The following CABLES1 variants were observed in gnomAD, a reference collection of about 807,000 sequenced individuals.
CABLES1 encodes CDK5 and ABL1 enzyme substrate 1.
Under a neutral mutation model 57.8 loss-of-function variants are expected in CABLES1, and 36 were observed. The ratio of observed to expected loss-of-function variants is 0.62; its 90% CI spans 0.48 to 0.82. CABLES1 has a LOEUF of 0.82. CABLES1 is among the 40% of genes least tolerant of loss of function. The pLI is 0.00. For missense variants in CABLES1, 767 were observed against 836.6 expected, an observed-to-expected ratio of 0.92 and a Z score of 1.03; for synonymous variants, 374 against 363.0, an observed-to-expected ratio of 1.03 and a Z score of -0.35.
chr18:23,247,705 G>T (rs2047931904), intron 7 of CABLES1, among the ~76,000 whole-genome samples: 2 of 152,244 alleles, frequency 1.3e-5, no homozygotes. Context: ...TGGCTCTTGA[G>T]CCTGTGTTCT....
At chr18:23,185,177 G>C (rs2047193989) in intron 1 of CABLES1, among the ~76,000 whole-genome samples, 3 of 152,190 alleles carry the variant, frequency 2.0e-5, no homozygotes, top group South Asian at 4.1e-4. Context: ...TGCAGGAAGA[G>C]GTGGCTACGG....
At chr18:23,215,776 CAG>C (rs1192315852) in intron 4 of CABLES1, among the ~76,000 whole-genome samples, 1 of 149,646 alleles carries the variant, frequency 6.7e-6, no homozygotes, top group Non-Finnish European at 1.5e-5. Context: ...TTTTTTGAGA[CAG>C]AGTCTTGCTC....
intron 1 of CABLES1, among the ~76,000 whole-genome samples, chr18:23,157,872 A>G (rs1309250635): frequency 6.6e-6 from 1 of 152,140 alleles, no homozygotes; most frequent in Non-Finnish European, 1.5e-5. Context: ...TTTGGAGTGT[A>G]AATCCTGGAG....
chr18:23,231,130 T>C (rs1429953308), intron 4 of CABLES1, among the ~76,000 whole-genome samples: 1 of 152,200 alleles, frequency 6.6e-6, no homozygotes, highest in Non-Finnish European at 1.5e-5. Flanking sequence ...AGGCCACTCT[T>C]GGGAAGAAAA....
At chr18:23,149,651 G>A (rs1283226449) in intron 1 of CABLES1, 1 of 152,256 alleles carries the variant, frequency 6.6e-6, no homozygotes, top group Non-Finnish European at 1.5e-5. Context: ...TCTTTGGCGT[G>A]TTAGCCCAGT....
intron 1 of CABLES1, among the ~76,000 whole-genome samples, chr18:23,154,815 G>A (rs1391916735): frequency 6.6e-6 from 1 of 152,154 alleles, no homozygotes; most frequent in Non-Finnish European, 1.5e-5. Flanking sequence ...CAAATTTTGT[G>A]ACCTTCCTGA....
At chr18:23,247,513 A>T (rs2145118409) in intron 7 of CABLES1, among the ~76,000 whole-genome samples, 1 of 152,292 alleles carries the variant, frequency 6.6e-6, no homozygotes, top group East Asian at 1.9e-4. Flanking sequence ...GCAGTTGTGT[A>T]TCCCATGCAG....
In CABLES1 at chr18:23,136,524, G is replaced by A. The variant is rs2046823258; in HGVS notation, c.762G>A (p.Arg254=). Residue 254 remains arginine (R), a synonymous_variant, in exon 1 of 10, where the codon AGG becomes AGA. Transcript: ENST00000256925. The part of the protein sequence containing the change: ...TQGILPIAFS[R]PTSQNYCSLE... ...GAATCCTGCCCATCGCCTTCTCCAG[G>A]CCGACTTCGCAGAACTACTGCTCCC... 5 of 1,588,836 alleles carry A rather than the reference G, an allele frequency of 3.1e-6. No individual in the cohort carries two copies. Among genetic ancestry groups the A allele is most frequent in the Non-Finnish European group, 4.3e-6 (5 of 1,174,402 alleles).
intron 1 of CABLES1, among the ~76,000 whole-genome samples, chr18:23,139,343 C>T (rs1281560237): frequency 7.2e-6 from 1 of 139,572 alleles, no homozygotes; most frequent in East Asian, 2.1e-4. Flanking sequence ...GCGGAGGTTG[C>T]AGTGAGCCAA....
At chr18:23,248,760 G>A (rs1435234917) in intron 7 of CABLES1, among the ~76,000 whole-genome samples, 3 of 152,122 alleles carry the variant, frequency 2.0e-5, no homozygotes, top group Admixed American at 6.5e-5. Context: ...AGGAGGCAGG[G>A]TGTGCAGTGA....
At chr18:23,179,823 T>G (rs909867106) in intron 1 of CABLES1, among the ~76,000 whole-genome samples, 3 of 152,276 alleles carry the variant, frequency 2.0e-5, no homozygotes, top group Non-Finnish European at 4.4e-5. Context: ...TAAGGGTCTG[T>G]GTATCTTCTG....
intron 3 of CABLES1, among the ~76,000 whole-genome samples, chr18:23,198,944 C>T (rs1298543841): frequency 6.6e-6 from 1 of 152,186 alleles, no homozygotes; most frequent in Non-Finnish European, 1.5e-5. Context: ...ATTCATGATC[C>T]CGAGAGTGGG....
At chr18:23,246,273 A>G (rs2047878012) in intron 7 of CABLES1, among the ~76,000 whole-genome samples, 1 of 152,012 alleles carries the variant, frequency 6.6e-6, no homozygotes, top group Non-Finnish European at 1.5e-5. Flanking sequence ...CTCAAAAAAA[A>G]AAAAGAAAAC....
intron 4 of CABLES1, among the ~76,000 whole-genome samples, chr18:23,221,742 C>T (rs1450735409): frequency 2.6e-5 from 4 of 152,174 alleles, no homozygotes; most frequent in Admixed American, 1.3e-4. Flanking sequence ...GAACCTAGGC[C>T]CCCTGTGGGA....
intron 5 of CABLES1, among the ~76,000 whole-genome samples, chr18:23,234,943 A>G (rs1568079462): frequency 6.6e-6 from 1 of 152,238 alleles, no homozygotes; most frequent in Admixed American, 6.5e-5. Context: ...TTACAACTGA[A>G]TGTACAGTTT....
At chr18:23,141,259 G>A (rs1243156401) in intron 1 of CABLES1, among the ~76,000 whole-genome samples, 2 of 152,210 alleles carry the variant, frequency 1.3e-5, no homozygotes, top group African/African-American at 2.4e-5. Flanking sequence ...CTGACTTAGA[G>A]CTTCTGCCTG....
intron 2 of CABLES1, among the ~76,000 whole-genome samples, chr18:23,193,084 T>C (rs926795824): frequency 5.3e-5 from 8 of 152,078 alleles, no homozygotes; most frequent in Non-Finnish European, 1.0e-4. Flanking sequence ...GGCCTAGAGT[T>C]GGGTGGGGGA....
At position 23,214,035 on chromosome 18, in the gene CABLES1, C is replaced by T. The variant is rs772653223; in HGVS notation, c.1069C>T (p.Arg357Cys). Residue 357 changes from arginine to cysteine, a missense_variant, in exon 4 of 10, where the codon CGC becomes TGC. This residue lies in a region of CABLES1 where 529 missense variants were observed against 622.8 expected (regional missense o/e 0.85). Transcript: ENST00000256925. The stretch of plus-strand genomic sequence containing the variant: ...TAGTATATTTTCAGTGCTGCCGTAT[C>T]GCGACAGTACCCAAGTCGGGTATGT... ...FCSIFSVLPY[R>C]DSTQVGDLKL... The T allele has an allele frequency of 1.6e-5, 25 of 1,612,400 alleles. No homozygotes were observed. Among genetic ancestry groups the T allele is most frequent in the African/African-American group, 2.7e-5 (2 of 74,964 alleles).
chr18:23,245,753 G>A (rs967082188), intron 7 of CABLES1, among the ~76,000 whole-genome samples: 11 of 152,164 alleles, frequency 7.2e-5, no homozygotes, highest in Admixed American at 3.9e-4. Flanking sequence ...TTCCCTGTAC[G>A]CAGCTGTGCA....
Sources: gnomAD v4.1 joint callset for allele counts (sites outside exome capture counted in the v4.1 genomes callset) on GRCh38, gnomAD v4.1.1 for gene constraint, gnomAD v4.1.1 regional missense constraint, MANE v1.5 for transcripts, NCBI Gene and HGNC (gene_info 2026-07-23, HGNC 2026-07-21) for gene names.